SNPH: variants seen among roughly 807,000 people sequenced by gnomAD.
SNPH encodes syntaphilin.
A neutral mutation model predicts 36.8 loss-of-function variants in SNPH; 10 were observed. The observed-to-expected ratio is 0.27, with a 90% CI of 0.17 to 0.46. The LOEUF (loss-of-function observed/expected upper bound fraction) is 0.46, where lower values mean the gene tolerates loss of function less well. Among genes scored for constraint, SNPH ranks in the 20% least tolerant of loss-of-function variants. The probability of loss-of-function intolerance (pLI) is 1.00; values close to 1 mark genes in which losing one functional copy is unlikely to be tolerated. For missense variants in SNPH, 622 were observed against 744.0 expected (o/e 0.84, Z 1.91); for synonymous variants, 281 against 312.2 (o/e 0.90, Z 1.05).
intron 2 of SNPH, among the ~76,000 whole-genome samples, chr20:1,275,928 T>G (rs565468981): frequency 9.8e-5 from 15 of 152,326 alleles, no homozygotes; most frequent in Non-Finnish European, 1.9e-4. Flanking sequence ...TTCTTCCTAC[T>G]ACTACTGCTA....
intron 6 of SNPH, among the ~76,000 whole-genome samples, chr20:1,301,024 CT>C (rs2088501192): frequency 6.6e-6 from 1 of 152,238 alleles, no homozygotes; most frequent in Admixed American, 6.5e-5. Flanking sequence ...TTGGCTGCTT[CT>C]TTTCCTCTGG....
rs552545366 is a variant in SNPH at position 1,287,266 on chromosome 20, T to G, written c.-492-7685T>G. 8.5e-5 allele frequency among the ~76,000 whole-genome samples: 13 copies of G among 152,338 alleles called. No homozygotes were observed. In the South Asian group the frequency reaches 2.7e-3, roughly 32 times the overall value. On this transcript the variant is annotated intron_variant, in intron 2 of 6. Coordinates refer to ENST00000381867, the MANE Select transcript of SNPH (RefSeq NM_001318234.2). ...TGTGGTCAGCATGGATATTCCCTTC[T>G]TCCCTGGGCCTCTGTTTCAATGCAT...
chr20:1,305,788 G>A lies in SNPH; in HGVS notation c.1351G>A (p.Glu451Lys). 1 of 1,606,474 alleles carries A rather than the reference G, an allele frequency of 6.2e-7. No individual in the cohort carries two copies. Among genetic ancestry groups the A allele is most frequent in the Non-Finnish European group, 8.5e-7 (1 of 1,177,050 alleles). Residue 451 changes from glutamate to lysine, a missense_variant, in exon 7 of 7, where the codon GAG becomes AAG. By Grantham distance (56) the Glu-to-Lys change is moderately conservative. Around this residue, in one of 3 missense-constraint regions of SNPH, gnomAD observed 379 missense variants for 427.9 expected, o/e 0.89. Coordinates refer to ENST00000381867, the MANE Select transcript of SNPH (RefSeq NM_001318234.2). ...GAGCGTGGTGTGCCCCATGGAAGAG[G>A]AGGAGGAGGCTGCCGTGGCTGAGAA... ...SVSVVCPMEE[E>K]EEAAVAEKEP...
chr20:1,287,082 A>G (rs2088292228), intron 2 of SNPH, among the ~76,000 whole-genome samples: 1 of 152,182 alleles, frequency 6.6e-6, no homozygotes, highest in Non-Finnish European at 1.5e-5. Flanking sequence ...TCCTTTTAAC[A>G]TTCCTTTTAG....
chr20:1,286,447 G>A (rs1289636177), intron 2 of SNPH, among the ~76,000 whole-genome samples: 3 of 152,166 alleles, frequency 2.0e-5, no homozygotes, highest in African/African-American at 7.2e-5. Flanking sequence ...AGATGAAGGA[G>A]CTGCTGTGAG....
intron 2 of SNPH, among the ~76,000 whole-genome samples, chr20:1,275,068 C>T (rs1355209199): frequency 6.6e-6 from 1 of 152,226 alleles, no homozygotes; most frequent in East Asian, 1.9e-4. Context: ...CCACCTGCCT[C>T]ACTTTTGGGG....
chr20:1,299,393 C>A (rs1446297961), intron 5 of SNPH, among the ~76,000 whole-genome samples: 1 of 152,182 alleles, frequency 6.6e-6, no homozygotes, highest in African/African-American at 2.4e-5. Context: ...AGATACATGC[C>A]CAGGTTTTAA....
chr20:1,291,965 G>A (rs141650375), intron 2 of SNPH, among the ~76,000 whole-genome samples: 116 of 152,260 alleles, frequency 7.6e-4, no homozygotes, highest in African/African-American at 2.6e-3. Flanking sequence ...GGAGAAAGAA[G>A]CATCAATTAG....
chr20:1,304,781 TTCATCCTTGGCAACAGTG>T lies in SNPH; in HGVS notation c.441-94_441-77del. Reference sequence around the variant, plus strand: ...TCTGAGCCACAGCAGCACAGGGCCCTTCATCCTTGGCAACAGTGTCCTCTCCCTGCCTCTCCTTGGCGG... The same window carrying T: ...TCTGAGCCACAGCAGCACAGGGCCCTTCCTCTCCCTGCCTCTCCTTGGCGG... On this transcript the variant is annotated intron_variant, in intron 6 of 6. Coordinates refer to ENST00000381867, the MANE Select transcript of SNPH (RefSeq NM_001318234.2). The surrounding 1 kb of genome is among the most constrained non-coding windows in gnomAD (Gnocchi z 4.3). 8.4e-7 allele frequency: 1 copy of T among 1,194,604 alleles called. No homozygotes were observed. Among genetic ancestry groups the T allele is most frequent in the African/African-American group, 1.5e-5 (1 of 66,644 alleles). 74.0% of individuals were successfully genotyped at this position (1,194,604 alleles called of 1,614,324 possible).
chr20:1,286,836 G>T (rs1459291709), intron 2 of SNPH, among the ~76,000 whole-genome samples: 1 of 152,076 alleles, frequency 6.6e-6, no homozygotes, highest in African/African-American at 2.4e-5. Context: ...CAGGCTGGGT[G>T]GGGGCTTTGT....
chr20:1,273,524 T>A (rs2088096234), intron 2 of SNPH, among the ~76,000 whole-genome samples: 1 of 152,182 alleles, frequency 6.6e-6, no homozygotes, highest in South Asian at 2.1e-4. Flanking sequence ...GGGAGCTGTT[T>A]AGGTTGGTTG....
intron 2 of SNPH, among the ~76,000 whole-genome samples, chr20:1,280,560 C>G (rs2088204686): frequency 6.6e-6 from 1 of 152,174 alleles, no homozygotes; most frequent in Non-Finnish European, 1.5e-5. Context: ...TGTGTTATCT[C>G]CACTTTATAC....
rs150050410 is a variant in SNPH, at chr20:1,305,413, G to T, written c.976G>T (p.Gly326Cys). 0.013 allele frequency: 21,380 copies of T among 1,613,044 alleles called. 160 individuals carry two copies. Among genetic ancestry groups the T allele is most frequent in the South Asian group, 0.019 (1,708 of 91,080 alleles). Residue 326 changes from glycine to cysteine, a missense_variant, in exon 7 of 7, where the codon GGC becomes TGC. By Grantham distance (159) the Gly-to-Cys change is radical. Around this residue, in one of 3 missense-constraint regions of SNPH, gnomAD observed 379 missense variants for 427.9 expected, o/e 0.89. Coordinates refer to ENST00000381867, the MANE Select transcript of SNPH (RefSeq NM_001318234.2). ...TEETSLHSSF[G>C]LGPRFPASNT... ...GGAGACCTCGCTGCACAGCTCCTTC[G>T]GCCTGGGCCCCCGCTTCCCTGCCAG...
At chr20:1,300,734 C>A (rs1468016991) in intron 6 of SNPH, 23 bp downstream of exon 6, 5 of 1,596,100 alleles carry the variant, frequency 3.1e-6, no homozygotes, top group Non-Finnish European at 2.6e-6. Flanking sequence ...CCACGAGCAG[C>A]CCTGGGGGTA....
At chr20:1,293,547 AGGGAG>A (rs2088389991) in intron 2 of SNPH, among the ~76,000 whole-genome samples, 1 of 152,108 alleles carries the variant, frequency 6.6e-6, no homozygotes, top group African/African-American at 2.4e-5. Context: ...CCTAGAAGGG[AGGGAG>A]GACCTGAGAG....
Position 1,288,619 on chromosome 20 carries a change from C to CTTTTTTTTTTTT in SNPH, c.-492-6325_-492-6324insTTTTTTTTTTTT, listed in dbSNP as rs201764007. ...GAAGGCACATGAGGAATTTCTTTTT[C>CTTTTTTTTTTTT]TTTTTTTCTTTTTTTTTTTGAGATG... is the stretch of plus-strand genomic sequence containing the variant. On this transcript the variant is annotated intron_variant, in intron 2 of 6. Coordinates refer to ENST00000381867, the MANE Select transcript of SNPH (RefSeq NM_001318234.2). Among the ~76,000 whole-genome samples the CTTTTTTTTTTTT allele has an allele frequency of 5.0e-5, 7 of 140,784 alleles. 1 individual carries two copies. The highest frequency in any genetic ancestry group is 6.3e-5 in the Non-Finnish European group (4 of 63,192). The allele number at this position is 140,784 out of a possible 152,430, so 92.4% of individuals were successfully genotyped here.
chr20:1,305,496 G>A lies in SNPH; in HGVS notation c.1059G>A (p.Met353Ile), dbSNP rs1347776605. 1 of 1,613,240 alleles carries A rather than the reference G, an allele frequency of 6.2e-7. No homozygotes were observed. Among genetic ancestry groups the A allele is most frequent in the East Asian group, 2.2e-5 (1 of 44,890 alleles). Residue 353 changes from methionine (M) to isoleucine (I), a missense_variant, in exon 7 of 7, where the codon ATG (methionine) becomes ATA (isoleucine). Around this residue, in one of 3 missense-constraint regions of SNPH, gnomAD observed 379 missense variants for 427.9 expected, o/e 0.89. Coordinates refer to ENST00000381867, the MANE Select transcript of SNPH (RefSeq NM_001318234.2). ...AGGCTGGTGTGCAGGCCAGCTGCAT[G>A]CAGGAGCGTGCCATCCAGACAGACT... The part of the protein sequence containing the change: ...GMEAGVQASC[M>I]QERAIQTDFV...
chr20:1,306,043 T>C lies in SNPH; in HGVS notation c.1606T>C (p.Ser536Pro), dbSNP rs1205894882. The C allele has an allele frequency of 6.8e-7, 1 of 1,466,930 alleles. No homozygotes were observed. The highest frequency in any genetic ancestry group is 1.4e-5 in the South Asian group (1 of 73,598). 90.9% of individuals were successfully genotyped at this position (1,466,930 alleles called of 1,614,324 possible). Residue 536 changes from serine to proline, a missense_variant, in exon 7 of 7, where the codon TCC becomes CCC. By Grantham distance (74) the Ser-to-Pro change is moderately conservative (BLOSUM62 -1). Coordinates refer to ENST00000381867, the MANE Select transcript of SNPH (RefSeq NM_001318234.2). Reference sequence around the variant, plus strand: ...GAGTCCCAGCCCAGCGGGCGGCGGCTCCCAGCTCTGAGGGGGCCCATTCTG... The same window carrying C: ...GAGTCCCAGCCCAGCGGGCGGCGGCCCCCAGCTCTGAGGGGGCCCATTCTG... Reference protein sequence around the residue: ...QPSPSPAGGGSQL With the variant: ...QPSPSPAGGGPQL
chr20:1,273,270 T>C (rs893094561), intron 2 of SNPH, among the ~76,000 whole-genome samples: 1 of 152,138 alleles, frequency 6.6e-6, no homozygotes, highest in African/African-American at 2.4e-5. Flanking sequence ...GAGGAGCTCT[T>C]AATTAGCAGA....
Sources: allele counts gnomAD v4.1 joint callset (sites outside exome capture counted in the v4.1 genomes callset), GRCh38; gene constraint gnomAD v4.1.1; regional missense constraint gnomAD v4.1.1; non-coding constraint Gnocchi (gnomAD v3.1); transcripts MANE v1.5; gene names NCBI Gene and HGNC (gene_info 2026-07-23, HGNC 2026-07-21).